Variants in IMMP2L observed in about 807,000 individuals in gnomAD.
IMMP2L encodes mitochondrial inner membrane protease subunit 2.
In IMMP2L, 18 loss-of-function variants were observed where a neutral mutation model predicts 19.3. The ratio of observed to expected loss-of-function variants is 0.93; its 90% CI spans 0.64 to 1.38. The LOEUF (loss-of-function observed/expected upper bound fraction) is 1.38. IMMP2L is among the 40% of genes most tolerant of loss of function. IMMP2L has a pLI of 0.00. For synonymous variants in IMMP2L, 76 were observed against 73.0 expected (o/e 1.04, Z -0.21); for missense variants, 233 against 218.2 (o/e 1.07, Z -0.43).
At chr7:110,838,939 T>C (rs1231870362) in intron 5 of IMMP2L, among the ~76,000 whole-genome samples, 3 of 152,112 alleles carry the variant, frequency 2.0e-5, no homozygotes, top group Non-Finnish European at 4.4e-5. Flanking sequence ...TCTAGTGATT[T>C]TGTTTTCCAT....
chr7:110,884,130 A>AC (rs1343168976), intron 5 of IMMP2L, among the ~76,000 whole-genome samples: 1 of 152,088 alleles, frequency 6.6e-6, no homozygotes, highest in African/African-American at 2.4e-5. Context: ...TACAAAATTT[A>AC]CTTTTTATGT....
chr7:111,124,886 CA>C, intron 3 of IMMP2L: 1 of 1,421,040 alleles, frequency 7.0e-7, no homozygotes, highest in Non-Finnish European at 9.4e-7. Context: ...GGTTTACCAA[CA>C]AATATGTCCT....
At chr7:111,403,293 A>G (rs1193989854) in intron 3 of IMMP2L, among the ~76,000 whole-genome samples, 3 of 151,780 alleles carry the variant, frequency 2.0e-5, no homozygotes, top group Non-Finnish European at 1.5e-5. Flanking sequence ...GCCACCACAT[A>G]AGACATCCAC....
chr7:110,853,384 G>A (rs377635857), intron 5 of IMMP2L, among the ~76,000 whole-genome samples: 1 of 151,972 alleles, frequency 6.6e-6, no homozygotes, highest in Non-Finnish European at 1.5e-5. Flanking sequence ...TAGATTGTGT[G>A]TTCATGAGCT....
chr7:110,854,873 A>G (rs535971688), intron 5 of IMMP2L, among the ~76,000 whole-genome samples: 9 of 152,120 alleles, frequency 5.9e-5, no homozygotes, highest in Admixed American at 2.6e-4. Flanking sequence ...TGCCTAGACT[A>G]TATCTAATAT....
intron 5 of IMMP2L, among the ~76,000 whole-genome samples, chr7:110,732,493 T>C (rs1415529079): frequency 6.6e-6 from 1 of 151,916 alleles, no homozygotes; most frequent in Non-Finnish European, 1.5e-5. Context: ...GATATGGTAC[T>C]GAATTCATTT....
intron 5 of IMMP2L, among the ~76,000 whole-genome samples, chr7:110,692,685 T>C (rs1315628462): frequency 2.0e-5 from 3 of 152,208 alleles, no homozygotes; most frequent in African/African-American, 7.2e-5. Flanking sequence ...GTATAGATTA[T>C]AGCTGTGGGG....
rs78000114 is a variant in IMMP2L, at chr7:111,545,864, G to C, written c.-3+15987C>G. Among the ~76,000 whole-genome samples, 409 of 152,140 alleles carry C rather than the reference G, an allele frequency of 2.7e-3. 6 individuals carry two copies. Among genetic ancestry groups the C allele is most frequent in the African/African-American group, 9.3e-3 (386 of 41,504 alleles). ...ACAATGGAAAATAACCTCCATCCCTGTTCTTCAGCTACGAAGTTCCAATCC... is the reference window on the plus strand; with the variant it reads ...ACAATGGAAAATAACCTCCATCCCTCTTCTTCAGCTACGAAGTTCCAATCC... On this transcript the variant is annotated intron_variant, in intron 1 of 5. Coordinates refer to ENST00000405709, the MANE Select transcript of IMMP2L (RefSeq NM_032549.4).
chr7:111,272,072 G>A (rs562852772), intron 3 of IMMP2L, among the ~76,000 whole-genome samples: 3 of 152,206 alleles, frequency 2.0e-5, no homozygotes, highest in African/African-American at 7.2e-5. Flanking sequence ...CAGAATAACT[G>A]TTATAAAACA....
chr7:110,869,486 G>T (rs1477439918), intron 5 of IMMP2L, among the ~76,000 whole-genome samples: 1 of 152,008 alleles, frequency 6.6e-6, no homozygotes, highest in Non-Finnish European at 1.5e-5. Flanking sequence ...CACTTCCTCA[G>T]GCATTCACAA....
At chr7:110,798,655 C>T (rs1000192483) in intron 5 of IMMP2L, among the ~76,000 whole-genome samples, 6 of 151,724 alleles carry the variant, frequency 4.0e-5, no homozygotes, top group African/African-American at 1.2e-4. Context: ...AGGAAGAAAG[C>T]GGGGGTGGAG....
At chr7:110,812,213 C>G (rs1474196331) in intron 5 of IMMP2L, among the ~76,000 whole-genome samples, 1 of 152,008 alleles carries the variant, frequency 6.6e-6, no homozygotes, top group African/African-American at 2.4e-5. Flanking sequence ...AACAGATCTG[C>G]CCTAAATTCT....
intron 3 of IMMP2L, among the ~76,000 whole-genome samples, chr7:111,360,576 T>C (rs1829165303): frequency 6.6e-6 from 1 of 152,114 alleles, no homozygotes; most frequent in Admixed American, 6.6e-5. Context: ...CCAGCACTTT[T>C]GGAAGCTGAG....
At chr7:110,731,376 A>C (rs1465274172) in intron 5 of IMMP2L, among the ~76,000 whole-genome samples, 1 of 152,204 alleles carries the variant, frequency 6.6e-6, no homozygotes, top group Non-Finnish European at 1.5e-5. Flanking sequence ...AAATGAATGA[A>C]TACAGATGCT....
intron 3 of IMMP2L, among the ~76,000 whole-genome samples, chr7:111,461,223 T>C (rs1840107750): frequency 6.6e-6 from 1 of 152,148 alleles, no homozygotes; most frequent in Non-Finnish European, 1.5e-5. Flanking sequence ...ACTGAATTAC[T>C]ATATATCAAA....
At chr7:110,717,248 G>T (rs1030795900) in intron 5 of IMMP2L, among the ~76,000 whole-genome samples, 2 of 152,108 alleles carry the variant, frequency 1.3e-5, no homozygotes, top group Non-Finnish European at 2.9e-5. Flanking sequence ...AGGCCGAGGC[G>T]GGCGGATCAT....
At chr7:111,168,086 A>G (rs1247333812) in intron 3 of IMMP2L, among the ~76,000 whole-genome samples, 1 of 151,986 alleles carries the variant, frequency 6.6e-6, no homozygotes, top group Non-Finnish European at 1.5e-5. Context: ...ATTAAGGTCT[A>G]TAGAACACTG....
chr7:110,730,383 C>T (rs10274598), intron 5 of IMMP2L, among the ~76,000 whole-genome samples: 289 of 152,216 alleles, frequency 1.9e-3, no homozygotes, highest in African/African-American at 6.7e-3. Flanking sequence ...ACATCAGACT[C>T]CACATTCTTC....
intron 2 of IMMP2L, among the ~76,000 whole-genome samples, chr7:111,501,385 T>C (rs1388049251): frequency 6.6e-6 from 1 of 152,136 alleles, no homozygotes. Context: ...TGGAACCAAC[T>C]TGGAAAACAC....
Sources: allele counts gnomAD v4.1 joint callset (sites outside exome capture counted in the v4.1 genomes callset), GRCh38; gene constraint gnomAD v4.1.1; transcripts MANE v1.5; gene names NCBI Gene and HGNC (gene_info 2026-07-23, HGNC 2026-07-21).